Variants in ANKRD30BL observed in about 807,000 individuals in gnomAD.
The protein encoded by ANKRD30BL is putative ankyrin repeat domain-containing protein 30B-like.
ANKRD30BL carries 20 observed loss-of-function variants against 18.4 expected under a neutral mutation model. The ratio of observed to expected loss-of-function variants is 1.09; its 90% CI spans 0.77 to 1.58. The LOEUF (loss-of-function observed/expected upper bound fraction) is 1.58, where lower values mean the gene tolerates loss of function less well. Among genes scored for constraint, ANKRD30BL ranks in the 40% most tolerant of loss-of-function variants. The pLI, the probability that ANKRD30BL is intolerant of heterozygous loss-of-function variation, is 0.00. For missense variants in ANKRD30BL, 224 were observed against 268.6 expected (o/e 0.83, Z 1.16); for synonymous variants, 72 against 100.9 (o/e 0.71, Z 1.72).
At chr2:132,200,426 G>A (rs1679072979) in intron 1 of ANKRD30BL, among the ~76,000 whole-genome samples, 1 of 152,092 alleles carries the variant, frequency 6.6e-6, no homozygotes, top group Non-Finnish European at 1.5e-5. Context: ...TCCTTAAGCT[G>A]ATAAGCAACT....
intron 1 of ANKRD30BL, among the ~76,000 whole-genome samples, chr2:132,211,570 C>T (rs1679349351): frequency 6.6e-6 from 1 of 151,556 alleles, no homozygotes; most frequent in African/African-American, 2.4e-5. Context: ...AATATCTTCA[C>T]ATAACAACTA....
At chr2:132,249,180 T>C (rs1277743322) in intron 1 of ANKRD30BL, among the ~76,000 whole-genome samples, 1 of 152,186 alleles carries the variant, frequency 6.6e-6, no homozygotes, top group Non-Finnish European at 1.5e-5. Context: ...CCTTTGCATA[T>C]TCTACAAAAA....
At position 132,161,559 on chromosome 2, in the gene ANKRD30BL, G is replaced by T. The variant is rs1031770449; in HGVS notation, c.147C>A (p.Gly49=). The change falls in exon 1 of 6, where the codon GGC becomes GGA. Residue 49 remains glycine (G), a synonymous_variant. Transcript: ENST00000409867. ...TCATCCTCTCCAGCTTCCAGGCTTG[G>T]CCCCGGGAGGCAGCTTTGTGGATCT... The part of the protein sequence containing the change: ...LRKIHKAASR[G]QAWKLERMMK... 3 of 1,456,722 alleles carry T rather than the reference G, an allele frequency of 2.1e-6. No homozygotes were observed. Among genetic ancestry groups the T allele is most frequent in the African/African-American group, 2.8e-5 (2 of 70,784 alleles). The allele number at this position is 1,456,722 out of a possible 1,614,324, so 90.2% of individuals were successfully genotyped here. A position where few individuals can be genotyped will look rare whatever the true frequency, so the allele number is the denominator to read the frequency against.
chr2:132,247,152 A>G (rs199647786), intron 1 of ANKRD30BL, among the ~76,000 whole-genome samples: 1 of 151,420 alleles, frequency 6.6e-6, no homozygotes, highest in Admixed American at 6.6e-5. Context: ...AAATATTTTC[A>G]CATAAAAACT....
intron 1 of ANKRD30BL, among the ~76,000 whole-genome samples, chr2:132,209,142 G>A (rs370755008): frequency 6.6e-6 from 1 of 151,946 alleles, no homozygotes; most frequent in Non-Finnish European, 1.5e-5. Context: ...TGGATATTTT[G>A]AGTGCTTTGG....
chr2:132,212,710 C>A (rs1679389048), intron 1 of ANKRD30BL, among the ~76,000 whole-genome samples: 1 of 151,654 alleles, frequency 6.6e-6, no homozygotes, highest in Non-Finnish European at 1.5e-5. Context: ...CAGAGTTGAA[C>A]CTTTCTTTTC....
At chr2:132,246,236 T>C (rs568449556) in intron 1 of ANKRD30BL, among the ~76,000 whole-genome samples, 124 of 151,932 alleles carry the variant, frequency 8.2e-4, no homozygotes, top group African/African-American at 3.0e-3. Flanking sequence ...AACACTCTTT[T>C]TGTAGAATCT....
chr2:132,254,759 C>G (rs1680774582), intron 1 of ANKRD30BL, among the ~76,000 whole-genome samples: 2 of 152,210 alleles, frequency 1.3e-5, no homozygotes, highest in African/African-American at 4.8e-5. Context: ...CCACTTGTCC[C>G]TCTAAGAAGT....
At chr2:132,178,435 T>C (rs1214657719) in intron 1 of ANKRD30BL, among the ~76,000 whole-genome samples, 1 of 152,308 alleles carries the variant, frequency 6.6e-6, no homozygotes, top group East Asian at 1.9e-4. Context: ...ATGATTTGAC[T>C]AAATGCATGG....
chr2:132,211,977 TC>T (rs1679369565), intron 1 of ANKRD30BL, among the ~76,000 whole-genome samples: 1 of 152,106 alleles, frequency 6.6e-6, no homozygotes, highest in Non-Finnish European at 1.5e-5. Flanking sequence ...CTCACAGAGT[TC>T]AAACATGCTT....
At chr2:132,250,848 G>A (rs1680631110) in intron 1 of ANKRD30BL, among the ~76,000 whole-genome samples, 1 of 151,896 alleles carries the variant, frequency 6.6e-6, no homozygotes, top group Non-Finnish European at 1.5e-5. Flanking sequence ...TACCACTATT[G>A]TCTCTTTATA....
chr2:132,256,591 G>A (rs1428429435), intron 1 of ANKRD30BL, among the ~76,000 whole-genome samples: 1 of 152,204 alleles, frequency 6.6e-6, no homozygotes, highest in African/African-American at 2.4e-5. Context: ...CACCTGGAGC[G>A]GCCGACTGGC....
chr2:132,233,539 G>C (rs1680077426), intron 1 of ANKRD30BL, among the ~76,000 whole-genome samples: 1 of 147,620 alleles, frequency 6.8e-6, no homozygotes, highest in South Asian at 2.2e-4. Flanking sequence ...TGCAATCCTA[G>C]TCTCTGATAA....
intron 1 of ANKRD30BL, among the ~76,000 whole-genome samples, chr2:132,221,610 C>T (rs1385323754): frequency 1.7e-4 from 21 of 124,506 alleles, no homozygotes; most frequent in African/African-American, 1.8e-4. Flanking sequence ...ATCAGCCCCC[C>T]GCCCGGCCAG....
At position 132,198,263 on chromosome 2, in the gene ANKRD30BL, CTTTCT is replaced by C. The variant is rs1225668809; in HGVS notation, n.442-41122_442-41118del. On this transcript the variant is annotated intron_variant and non_coding_transcript_variant, in intron 1 of 4. Coordinates refer to the ANKRD30BL transcript ENST00000470729. ...TTTCATAATTTACTATACCTTCTTT[CTTTCT>C]TTTCTTTCTTTCTTTCTTTCTTTCT... is the stretch of plus-strand genomic sequence containing the variant. Among the ~76,000 whole-genome samples the C allele has an allele frequency of 1.2e-3, 163 of 132,200 alleles. 9 individuals carry two copies. The highest frequency in any genetic ancestry group is 5.6e-3 in the African/African-American group (153 of 27,102). The allele number at this position is 132,200 out of a possible 152,430, so 86.7% of individuals were successfully genotyped here.
In ANKRD30BL at chr2:132,161,894, G is replaced by A; in HGVS notation, c.-189C>T. 1 of 558,300 alleles carries A rather than the reference G, an allele frequency of 1.8e-6. No individual in the cohort carries two copies. The highest frequency in any genetic ancestry group is 3.2e-6 in the Non-Finnish European group (1 of 312,604). 34.6% of individuals were successfully genotyped at this position (558,300 alleles called of 1,614,324 possible). On this transcript the variant is annotated 5_prime_UTR_variant, in exon 1 of 6. Coordinates refer to ENST00000409867, the MANE Select transcript of ANKRD30BL (RefSeq NM_001358416.1). ...AATGGCTGCGCAAAACCGTTAGGCA[G>A]CTGAGCAGAACCGTTAGGCACCTGA...
At chr2:132,254,057 C>A (rs796975781) in intron 1 of ANKRD30BL, among the ~76,000 whole-genome samples, 19 of 144,432 alleles carry the variant, frequency 1.3e-4, no homozygotes, top group South Asian at 9.1e-4. Context: ...CCGAGAACCA[C>A]CCCCGCGCCC....
intron 1 of ANKRD30BL, among the ~76,000 whole-genome samples, chr2:132,227,593 A>C (rs1333162259): frequency 1.3e-5 from 2 of 152,060 alleles, no homozygotes; most frequent in African/African-American, 4.8e-5. Flanking sequence ...CTTCTTTTTG[A>C]TGTGTACATT....
intron 1 of ANKRD30BL, among the ~76,000 whole-genome samples, chr2:132,182,026 G>T (rs995663429): frequency 5.3e-5 from 8 of 151,992 alleles, no homozygotes; most frequent in Non-Finnish European, 8.8e-5. Context: ...TAGGAGAATG[G>T]CTTTAACCCG....
Sources: gnomAD v4.1 joint callset for allele counts (sites outside exome capture counted in the v4.1 genomes callset) on GRCh38, gnomAD v4.1.1 for gene constraint, MANE v1.5 for transcripts, NCBI Gene and HGNC (gene_info 2026-07-23, HGNC 2026-07-21) for gene names.